Variants in KCNJ15 observed in about 807,000 individuals in gnomAD.
KCNJ15 encodes potassium inwardly rectifying channel subfamily J member 15, also known as ATP-sensitive inward rectifier potassium channel 15.
KCNJ15 carries 14 observed loss-of-function variants against 23.0 expected under a neutral mutation model. The observed-to-expected ratio is 0.61, with a 90% CI of 0.40 to 0.95. KCNJ15 has a LOEUF of 0.95. Ranked by LOEUF, KCNJ15 falls within the 40% of genes least tolerant of loss-of-function variation. The probability of loss-of-function intolerance (pLI) is 0.00; values close to 1 mark genes in which losing one functional copy is unlikely to be tolerated. For missense variants in KCNJ15, 388 were observed against 461.8 expected (o/e 0.84, Z 1.46); for synonymous variants, 185 against 183.2 (o/e 1.01, Z -0.08).
chr21:38,236,510 T>C (rs1177672015), intron 1 of KCNJ15, among the ~76,000 whole-genome samples: 1 of 152,196 alleles, frequency 6.6e-6, no homozygotes, highest in Non-Finnish European at 1.5e-5. Flanking sequence ...CCTGACACTT[T>C]CATTTTCTTA....
At chr21:38,244,734 G>A (rs955456772) in intron 1 of KCNJ15, among the ~76,000 whole-genome samples, 2 of 152,082 alleles carry the variant, frequency 1.3e-5, no homozygotes, top group African/African-American at 4.8e-5. Flanking sequence ...AAGTAAGTTG[G>A]GGAGGGGAAC....
At chr21:38,283,696 T>G (rs1038365072) in intron 1 of KCNJ15, among the ~76,000 whole-genome samples, 3 of 152,248 alleles carry the variant, frequency 2.0e-5, no homozygotes, top group African/African-American at 7.2e-5. Context: ...TTTAAAACTT[T>G]GAGTATACAT....
chr21:38,284,223 C>T (rs1349462248), intron 1 of KCNJ15, among the ~76,000 whole-genome samples: 1 of 152,208 alleles, frequency 6.6e-6, no homozygotes, highest in Non-Finnish European at 1.5e-5. Context: ...GCTGGTATAA[C>T]ACCCAAACAT....
rs571213093 is a variant in KCNJ15, at chr21:38,266,533, A to G, written c.-117+9348A>G. 1.6e-4 allele frequency among the ~76,000 whole-genome samples: 25 copies of G among 152,250 alleles called. 1 individual carries two copies. The East Asian group carries it at 4.8e-3, about 29-fold the overall frequency. Reference sequence around the variant, plus strand: ...GTGCCACATTTTGTTTATCCAGTCTATCATTGATGGGCATTAGGGTTGATT... The same window carrying G: ...GTGCCACATTTTGTTTATCCAGTCTGTCATTGATGGGCATTAGGGTTGATT... On this transcript the variant is annotated intron_variant, in intron 1 of 2. Transcript: ENST00000398938.
At position 38,299,615 on chromosome 21, in the gene KCNJ15, T is replaced by C; in HGVS notation, c.354T>C (p.Phe118=). ...IMKVDSLTGA[F]LFSLESQTTI... is the part of the protein sequence containing the mutation. ...AAGTGGACTCTCTCACTGGGGCGTTTCTCTTTTCCCTGGAATCCCAGACAA... is the reference window on the plus strand; with the variant it reads ...AAGTGGACTCTCTCACTGGGGCGTTCCTCTTTTCCCTGGAATCCCAGACAA... The change falls in exon 3 of 3, where the codon TTT becomes TTC. Residue 118 remains phenylalanine (F), a synonymous_variant. Transcript: ENST00000398938. This position sits in a 1 kb window ranked among gnomAD's most constrained non-coding sequence, Gnocchi z 4.5. 2 of 1,614,152 alleles carry C rather than the reference T, an allele frequency of 1.2e-6. No homozygotes were observed. Among genetic ancestry groups the C allele is most frequent in the Non-Finnish European group, 1.7e-6 (2 of 1,180,026 alleles).
chr21:38,247,710 G>A (rs1346671494), intron 1 of KCNJ15, among the ~76,000 whole-genome samples: 1 of 152,214 alleles, frequency 6.6e-6, no homozygotes, highest in East Asian at 1.9e-4. Context: ...CACATGTAAG[G>A]TTAGCCTTAT....
chr21:38,249,808 A>G (rs1037859864), intron 1 of KCNJ15, among the ~76,000 whole-genome samples: 2 of 152,226 alleles, frequency 1.3e-5, no homozygotes, highest in African/African-American at 4.8e-5. Context: ...TGGAGTCTCC[A>G]TCATCTCTAC....
At position 38,236,408 on chromosome 21, in the gene KCNJ15, G is replaced by A. The variant is rs1978605158; in HGVS notation, c.-398-20638G>A. 2.0e-5 allele frequency among the ~76,000 whole-genome samples: 3 copies of A among 152,160 alleles called. No homozygotes were observed. The South Asian group carries it at 6.2e-4, about 32-fold the overall frequency. ...TTACTGCACAAATACCCTCCACCAG[G>A]GGGTAGGGGAGGAAGCCTGTATTCT... On this transcript the variant is annotated intron_variant, in intron 1 of 4. Transcript: ENST00000547341.
intron 1 of KCNJ15, among the ~76,000 whole-genome samples, chr21:38,270,653 A>G (rs969185622): frequency 3.9e-5 from 6 of 152,098 alleles, no homozygotes; most frequent in Non-Finnish European, 8.8e-5. Flanking sequence ...TTGCCTCCCT[A>G]TCACCAAAAT....
upstream of KCNJ15, among the ~76,000 whole-genome samples, chr21:38,254,319 T>C (rs1266543124): frequency 6.6e-5 from 10 of 152,218 alleles, no homozygotes. Flanking sequence ...AACTGTCAGA[T>C]CTGCAGCCTC....
intron 1 of KCNJ15, among the ~76,000 whole-genome samples, chr21:38,241,093 C>G (rs544592710): frequency 2.6e-5 from 4 of 152,162 alleles, no homozygotes; most frequent in Non-Finnish European, 1.5e-5. Flanking sequence ...CATCATGGAA[C>G]ATATTGTACT....
chr21:38,242,270 T>G (rs748081082), intron 1 of KCNJ15, among the ~76,000 whole-genome samples: 1 of 152,192 alleles, frequency 6.6e-6, no homozygotes, highest in East Asian at 1.9e-4. Flanking sequence ...ATGGTAGTTA[T>G]GCACTTCCCA....
In KCNJ15 at chr21:38,299,973, C is replaced by T. The variant is rs1985594802; in HGVS notation, c.712C>T (p.His238Tyr). 6.2e-7 allele frequency: 1 copy of T among 1,614,050 alleles called. No individual in the cohort carries two copies. Among genetic ancestry groups the T allele is most frequent in the Non-Finnish European group, 8.5e-7 (1 of 1,180,008 alleles). ...ILLNQATVKF[H>Y]VDSSSESPFL... is the part of the protein sequence containing the mutation. ...CCTCAACCAAGCCACTGTCAAATTCCACGTGGACTCCTCCTCTGAGAGCCC... is the reference window on the plus strand; with the variant it reads ...CCTCAACCAAGCCACTGTCAAATTCTACGTGGACTCCTCCTCTGAGAGCCC... The change falls in exon 3 of 3, where the codon CAC becomes TAC. Residue 238 changes from histidine to tyrosine, a missense_variant. By Grantham distance (83) the His-to-Tyr change is moderately conservative. Coordinates refer to ENST00000398938, the MANE Select transcript of KCNJ15 (RefSeq NM_170736.3). The surrounding 1 kb of genome is among the most constrained non-coding windows in gnomAD (Gnocchi z 4.5).
chr21:38,293,419 G>A (rs191973507), intron 1 of KCNJ15, among the ~76,000 whole-genome samples: 15 of 152,278 alleles, frequency 9.9e-5, no homozygotes, highest in East Asian at 3.9e-4. Flanking sequence ...CGCTACGCCC[G>A]GGCAGGGAAA....
intron 1 of KCNJ15, among the ~76,000 whole-genome samples, chr21:38,247,359 TGG>T (rs1979486852): frequency 6.6e-6 from 1 of 151,418 alleles, no homozygotes; most frequent in Non-Finnish European, 1.5e-5. Context: ...GGTGGATGGA[TGG>T]ATGGATGGAT....
intron 1 of KCNJ15, among the ~76,000 whole-genome samples, chr21:38,288,635 T>C (rs993559659): frequency 6.6e-6 from 1 of 152,168 alleles, no homozygotes; most frequent in Non-Finnish European, 1.5e-5. Context: ...GTGCAAAATA[T>C]TATAAATGTG....
At chr21:38,237,396 G>A (rs2836230) in intron 1 of KCNJ15, 18,016 of 152,236 alleles carry the variant, frequency 0.12, 2,826 homozygotes, top group African/African-American at 0.36. Context: ...GGGAGCACCT[G>A]GGCCTTCTTT....
intron 1 of KCNJ15, among the ~76,000 whole-genome samples, chr21:38,257,902 A>G (rs1980433557): frequency 6.6e-6 from 1 of 152,242 alleles, no homozygotes; most frequent in South Asian, 2.1e-4. Flanking sequence ...TGAAGGAAAT[A>G]AGAATTTATT....
At chr21:38,297,183 G>T (rs1310683607) in intron 2 of KCNJ15, among the ~76,000 whole-genome samples, 160 bp downstream of exon 2, 1 of 152,016 alleles carries the variant, frequency 6.6e-6, no homozygotes, top group Non-Finnish European at 1.5e-5. Context: ...TGTGATTTCT[G>T]TCCACCAAGA....
Sources: allele counts gnomAD v4.1 joint callset (sites outside exome capture counted in the v4.1 genomes callset), GRCh38; gene constraint gnomAD v4.1.1; non-coding constraint Gnocchi (gnomAD v3.1); transcripts MANE v1.5; gene names NCBI Gene and HGNC (gene_info 2026-07-23, HGNC 2026-07-21).